SGCD: variants seen among roughly 807,000 people sequenced by gnomAD.
SGCD encodes the protein sarcoglycan delta.
Under a neutral mutation model 36.6 loss-of-function variants are expected in SGCD, and 18 were observed. The ratio of observed to expected loss-of-function variants is 0.49; its 90% confidence interval spans 0.34 to 0.73. The LOEUF (loss-of-function observed/expected upper bound fraction) is 0.73, where lower values mean the gene tolerates loss of function less well. Ranked by LOEUF, SGCD falls within the 30% of genes least tolerant of loss-of-function variation. The pLI is 0.01. For synonymous variants in SGCD, 133 were observed against 130.6 expected (o/e 1.02, Z -0.12); for missense variants, 387 against 346.7 (o/e 1.12, Z -0.92).
intron 1 of SGCD, among the ~76,000 whole-genome samples, chr5:155,923,397 C>G (rs1400318136): frequency 6.6e-6 from 1 of 150,578 alleles, no homozygotes; most frequent in Non-Finnish European, 1.5e-5. Context: ...GATCTTTTGT[C>G]TAATACTAAT....
intron 1 of SGCD, among the ~76,000 whole-genome samples, chr5:155,912,866 T>C (rs7718133): frequency 5.1e-4 from 77 of 152,240 alleles, no homozygotes; most frequent in African/African-American, 1.5e-3. Context: ...TTTCTTTCTT[T>C]GTAAATTCCT....
At chr5:155,910,907 A>C (rs543577567) in intron 1 of SGCD, among the ~76,000 whole-genome samples, 1 of 152,212 alleles carries the variant, frequency 6.6e-6, no homozygotes, top group African/African-American at 2.4e-5. Context: ...TGCCCAGAAA[A>C]GGGAGCTGTA....
intron 6 of SGCD, among the ~76,000 whole-genome samples, chr5:156,606,078 T>C (rs1189192157): frequency 6.6e-6 from 1 of 152,238 alleles, no homozygotes; most frequent in Non-Finnish European, 1.5e-5. Flanking sequence ...TTTTGGCTTT[T>C]GTTGCCATTG....
intron 3 of SGCD, among the ~76,000 whole-genome samples, chr5:156,155,956 G>T (rs1266621778): frequency 2.0e-5 from 3 of 151,708 alleles, no homozygotes; most frequent in Non-Finnish European, 4.4e-5. Flanking sequence ...GCTTCGTGTG[G>T]CAGGAGAGTA....
At chr5:155,912,292 A>G (rs1031041907) in intron 1 of SGCD, among the ~76,000 whole-genome samples, 4 of 152,112 alleles carry the variant, frequency 2.6e-5, no homozygotes, top group Non-Finnish European at 5.9e-5. Flanking sequence ...TGGTAGATGC[A>G]TTAACAAGCA....
chr5:156,524,575 G>A (rs909439460), intron 4 of SGCD, among the ~76,000 whole-genome samples: 2 of 151,640 alleles, frequency 1.3e-5, no homozygotes, highest in Admixed American at 1.3e-4. Context: ...TCACATAATT[G>A]CCTTATTTTA....
At chr5:156,440,947 G>A (rs1021978702) in intron 3 of SGCD, among the ~76,000 whole-genome samples, 1 of 152,014 alleles carries the variant, frequency 6.6e-6, no homozygotes, top group Non-Finnish European at 1.5e-5. Context: ...CACAGTAGTT[G>A]TAAATTTTGG....
chr5:156,713,907 C>T (rs1039502292), intron 7 of SGCD, among the ~76,000 whole-genome samples: 44 of 152,208 alleles, frequency 2.9e-4, no homozygotes, highest in Admixed American at 2.0e-4. Context: ...CCAGTGATTT[C>T]ACCAGCTCAA....
At chr5:155,953,514 C>T (rs988687610) in intron 1 of SGCD, among the ~76,000 whole-genome samples, 5 of 152,158 alleles carry the variant, frequency 3.3e-5, no homozygotes, top group African/African-American at 4.8e-5. Context: ...AATCAGTCAT[C>T]ACCTGCTGGT....
chr5:155,998,273 C>G (rs575018393), intron 1 of SGCD, among the ~76,000 whole-genome samples: 3 of 152,190 alleles, frequency 2.0e-5, no homozygotes, highest in Non-Finnish European at 2.9e-5. Flanking sequence ...CTAATGTCAG[C>G]TCATCAGCTA....
chr5:155,889,231 C>T (rs755971496), intron 1 of SGCD, among the ~76,000 whole-genome samples: 8 of 151,878 alleles, frequency 5.3e-5, no homozygotes, highest in African/African-American at 9.7e-5. Context: ...AACTTACCCA[C>T]GTAGAGGAAA....
chr5:156,182,475 C>T (rs1315982377), intron 3 of SGCD, among the ~76,000 whole-genome samples: 1 of 152,126 alleles, frequency 6.6e-6, no homozygotes, highest in Non-Finnish European at 1.5e-5. Context: ...CCTGTAGTCC[C>T]AGCTACTCGG....
chr5:156,482,203 A>G (rs1309544231), intron 3 of SGCD, among the ~76,000 whole-genome samples: 1 of 152,142 alleles, frequency 6.6e-6, no homozygotes, highest in Non-Finnish European at 1.5e-5. Flanking sequence ...TTGCAAGGTC[A>G]TTGCAGCCTG....
chr5:156,187,090 G>A (rs1331635542), intron 3 of SGCD, among the ~76,000 whole-genome samples: 2 of 152,068 alleles, frequency 1.3e-5, no homozygotes, highest in East Asian at 3.9e-4. Context: ...AAAAGGGTGA[G>A]TATTTCAAAA....
intron 3 of SGCD, among the ~76,000 whole-genome samples, chr5:156,383,440 G>T (rs924587547): frequency 6.6e-6 from 1 of 152,084 alleles, no homozygotes; most frequent in Non-Finnish European, 1.5e-5. Flanking sequence ...GTAGGCGGAG[G>T]TTACAGTGGG....
At chr5:156,252,535 A>G (rs1765608634) in intron 3 of SGCD, among the ~76,000 whole-genome samples, 1 of 152,190 alleles carries the variant, frequency 6.6e-6, no homozygotes, top group Non-Finnish European at 1.5e-5. Flanking sequence ...TTCTGAGACT[A>G]AATTATATAT....
intron 3 of SGCD, among the ~76,000 whole-genome samples, chr5:156,226,800 G>A (rs1396784323): frequency 6.6e-6 from 1 of 152,070 alleles, no homozygotes; most frequent in African/African-American, 2.4e-5. Context: ...GCAGGGGTAA[G>A]GTGGTATTGC....
the SGCD span, among the ~76,000 whole-genome samples, chr5:155,853,741 C>T: frequency 6.6e-6 from 1 of 152,150 alleles, no homozygotes; most frequent in Admixed American, 6.6e-5. Flanking sequence ...AGTAAACCAT[C>T]ATTTTGCTTA....
Position 156,185,001 on chromosome 5 carries a change from G to A in SGCD, c.-44+60982G>A, listed in dbSNP as rs113969876. ...GCAATATTCCTGTGCCCCATTATGA[G>A]CCTTCAAAACACCATTCAAGGAACA... On this transcript the variant is annotated intron_variant, in intron 3 of 9. Coordinates refer to the SGCD transcript ENST00000517913. Among the ~76,000 whole-genome samples the A allele has an allele frequency of 3.0e-4, 45 of 152,172 alleles. 1 individual carries two copies. The highest frequency in any genetic ancestry group is 9.4e-4 in the African/African-American group (39 of 41,510).
Sources: gnomAD v4.1 joint callset for allele counts (sites outside exome capture counted in the v4.1 genomes callset) on GRCh38, gnomAD v4.1.1 for gene constraint, MANE v1.5 for transcripts, NCBI Gene and HGNC (gene_info 2026-07-23, HGNC 2026-07-21) for gene names.